The following UGT1A8 variants were observed in gnomAD, a reference collection of about 807,000 sequenced individuals.
The protein encoded by UGT1A8 is UDP-glucuronosyltransferase 1A8.
UGT1A8 carries 39 observed loss-of-function variants against 45.3 expected under a neutral mutation model. The observed-to-expected ratio is 0.86, with a 90% CI of 0.67 to 1.12. UGT1A8 has a LOEUF of 1.12. Among genes scored for constraint, UGT1A8 ranks in the 50% most tolerant of loss-of-function variants. The pLI is 0.00. For synonymous variants in UGT1A8, 275 were observed against 249.2 expected (o/e 1.10, Z -0.97); for missense variants, 719 against 664.9 (o/e 1.08, Z -0.90).
At chr2:233,635,913 T>C (rs1241785712) in intron 1 of UGT1A8, among the ~76,000 whole-genome samples, 1 of 150,930 alleles carries the variant, frequency 6.6e-6, no homozygotes. Flanking sequence ...GTCCCTGGTA[T>C]GGTCCATGGA....
chr2:233,640,656 G>A lies in UGT1A8; in HGVS notation c.855+22094G>A, dbSNP rs987069966. Among the ~76,000 whole-genome samples, 3 of 152,114 alleles carry A rather than the reference G, an allele frequency of 2.0e-5. No individual in the cohort carries two copies. The South Asian group carries it at 6.2e-4, about 32-fold the overall frequency. ...GAGAGAACAGTCTCTTTTTTAGGCT[G>A]CAAATGCTGTTCTTCCATAGTCCAA... On this transcript the variant is annotated intron_variant, in intron 1 of 4. Transcript: ENST00000373450.
intron 1 of UGT1A8, among the ~76,000 whole-genome samples, chr2:233,685,534 C>T (rs558249982): frequency 4.6e-5 from 7 of 152,328 alleles, no homozygotes; most frequent in South Asian, 2.1e-4. Flanking sequence ...CCATTGCTCT[C>T]GCATTCTGTT....
chr2:233,715,410 T>C (rs75182177), intron 1 of UGT1A8, among the ~76,000 whole-genome samples: 57 of 152,316 alleles, frequency 3.7e-4, no homozygotes, highest in African/African-American at 1.2e-3. Context: ...ATCCTTAAAA[T>C]ACATTTTATC....
At chr2:233,699,290 G>A (rs2075496429) in intron 1 of UGT1A8, among the ~76,000 whole-genome samples, 1 of 152,104 alleles carries the variant, frequency 6.6e-6, no homozygotes, top group Admixed American at 6.5e-5. Context: ...CAGATGCTGG[G>A]ACACTCTTAT....
chr2:233,666,580 C>A (rs2074079312), intron 1 of UGT1A8, among the ~76,000 whole-genome samples: 1 of 151,650 alleles, frequency 6.6e-6, no homozygotes, highest in African/African-American at 2.4e-5. Flanking sequence ...GGATATTTAT[C>A]CTTTACCAGT....
chr2:233,759,533 T>A (rs1026147769), intron 1 of UGT1A8, among the ~76,000 whole-genome samples: 11 of 151,998 alleles, frequency 7.2e-5, no homozygotes, highest in African/African-American at 2.7e-4. Context: ...AAGACTTCTG[T>A]TCACATGCGC....
intron 1 of UGT1A8, among the ~76,000 whole-genome samples, chr2:233,703,279 G>A (rs2075730151): frequency 6.6e-6 from 1 of 151,990 alleles, no homozygotes; most frequent in East Asian, 1.9e-4. Context: ...TTTCTGTAAG[G>A]TTGGTAGTAA....
chr2:233,655,480 T>G (rs1156310365), intron 1 of UGT1A8, among the ~76,000 whole-genome samples: 2 of 152,172 alleles, frequency 1.3e-5, no homozygotes, highest in Non-Finnish European at 1.5e-5. Flanking sequence ...GGCTCATGCT[T>G]CTCTTGTCTT....
intron 1 of UGT1A8, among the ~76,000 whole-genome samples, chr2:233,632,362 T>C (rs1417739236): frequency 1.3e-5 from 2 of 152,192 alleles, no homozygotes; most frequent in Non-Finnish European, 2.9e-5. Context: ...TTTTTTCCTA[T>C]TCTGTGAAGA....
intron 1 of UGT1A8, among the ~76,000 whole-genome samples, chr2:233,661,773 A>G (rs559560760): frequency 6.7e-6 from 1 of 150,280 alleles, no homozygotes; most frequent in Non-Finnish European, 1.5e-5. Flanking sequence ...CATATCAAGC[A>G]ATTCAACTTT....
intron 1 of UGT1A8, among the ~76,000 whole-genome samples, chr2:233,711,721 C>T (rs1314393643): frequency 6.6e-6 from 1 of 152,208 alleles, no homozygotes; most frequent in East Asian, 1.9e-4. Context: ...GCCTCAGCTT[C>T]ACCAGCAATG....
chr2:233,760,285 G>A (rs376515645), intron 1 of UGT1A8: 12 of 1,612,814 alleles, frequency 7.4e-6, no homozygotes, highest in African/African-American at 4.0e-5. Context: ...GAGCAAAGGC[G>A]CCATGGCTGT....
intron 1 of UGT1A8, among the ~76,000 whole-genome samples, chr2:233,749,503 T>G (rs1362784067): frequency 6.6e-6 from 1 of 151,872 alleles, no homozygotes; most frequent in African/African-American, 2.4e-5. Context: ...CTTAGAGAAT[T>G]AGAGAACACT....
chr2:233,619,094 T>C (rs2072953010), intron 1 of UGT1A8, among the ~76,000 whole-genome samples: 1 of 152,194 alleles, frequency 6.6e-6, no homozygotes, highest in African/African-American at 2.4e-5. Flanking sequence ...CAGTTTTGTG[T>C]ATATTCTTTT....
intron 1 of UGT1A8, chr2:233,690,732 T>G: frequency 8.3e-7 from 1 of 1,208,768 alleles, no homozygotes; most frequent in Middle Eastern, 3.1e-4. Flanking sequence ...ACATGCCAGA[T>G]TCCTCTGGCT....
At chr2:233,707,538 CTTTT>C (rs753963758) in intron 1 of UGT1A8, among the ~76,000 whole-genome samples, 2 of 127,006 alleles carry the variant, frequency 1.6e-5, no homozygotes, top group African/African-American at 5.8e-5. Context: ...TTTGTCTTGC[CTTTT>C]TTTTTTTTTT....
At chr2:233,696,872 A>G (rs1458006526) in intron 1 of UGT1A8, among the ~76,000 whole-genome samples, 1 of 152,208 alleles carries the variant, frequency 6.6e-6, no homozygotes, top group Admixed American at 6.5e-5. Flanking sequence ...TTCAGCATCT[A>G]CAACATATGA....
intron 1 of UGT1A8, among the ~76,000 whole-genome samples, chr2:233,659,397 C>T (rs1212185358): frequency 6.6e-6 from 1 of 152,034 alleles, no homozygotes; most frequent in Non-Finnish European, 1.5e-5. Context: ...GTGTTATATA[C>T]TGTATTATTG....
intron 1 of UGT1A8, among the ~76,000 whole-genome samples, chr2:233,709,856 G>A (rs1334446002): frequency 1.3e-5 from 2 of 152,118 alleles, no homozygotes; most frequent in Admixed American, 6.5e-5. Flanking sequence ...TTCAAGACAC[G>A]GAGCACTCCA....
Sources: gnomAD v4.1 joint callset for allele counts (sites outside exome capture counted in the v4.1 genomes callset) on GRCh38, gnomAD v4.1.1 for gene constraint, MANE v1.5 for transcripts, NCBI Gene and HGNC (gene_info 2026-07-23, HGNC 2026-07-21) for gene names.